CSMD1: variants seen among roughly 807,000 people sequenced by gnomAD.
CSMD1 encodes CUB and sushi domain-containing protein 1.
A neutral mutation model predicts 417.5 loss-of-function variants in CSMD1; 213 were observed. The ratio of observed to expected loss-of-function variants is 0.51; its 90% confidence interval spans 0.46 to 0.57. The LOEUF (loss-of-function observed/expected upper bound fraction) is 0.57. Among genes scored for constraint, CSMD1 ranks in the 20% least tolerant of loss-of-function variants. CSMD1 has a pLI of 0.00. For missense variants in CSMD1, 6,923 were observed against 4,529.7 expected (o/e 1.53, Z -15.17); for synonymous variants, 2,862 against 1,736.8 (o/e 1.65, Z -16.11).
At chr8:4,056,238 C>T (rs979139439) in intron 3 of CSMD1, among the ~76,000 whole-genome samples, 2 of 151,770 alleles carry the variant, frequency 1.3e-5, no homozygotes, top group East Asian at 3.9e-4. Flanking sequence ...TGTACTCCCA[C>T]TCCTGGCTAA....
intron 1 of CSMD1, among the ~76,000 whole-genome samples, chr8:4,713,963 G>C (rs774181090): frequency 1.3e-5 from 2 of 152,026 alleles, no homozygotes; most frequent in African/African-American, 2.4e-5. Flanking sequence ...TGGCCAACAT[G>C]GTAAAACCCC....
intron 2 of CSMD1, among the ~76,000 whole-genome samples, chr8:4,635,302 T>C (rs1802756329): frequency 6.6e-6 from 1 of 152,180 alleles, no homozygotes; most frequent in Admixed American, 6.5e-5. Context: ...AAATGAAATA[T>C]GTTTCTAATT....
chr8:4,793,105 C>A (rs1797782334), intron 1 of CSMD1, among the ~76,000 whole-genome samples: 1 of 151,728 alleles, frequency 6.6e-6, no homozygotes, highest in Non-Finnish European at 1.5e-5. Flanking sequence ...ACAATTTTTT[C>A]TTTTGTCTTA....
At chr8:4,148,995 C>G (rs1173685002) in intron 3 of CSMD1, among the ~76,000 whole-genome samples, 1 of 149,226 alleles carries the variant, frequency 6.7e-6, no homozygotes, top group African/African-American at 2.5e-5. Context: ...TGGAGTTTCA[C>G]TCTTGTTGCC....
At chr8:3,769,903 G>C (rs904973316) in intron 5 of CSMD1, among the ~76,000 whole-genome samples, 1 of 152,186 alleles carries the variant, frequency 6.6e-6, no homozygotes, top group East Asian at 1.9e-4. Context: ...CAGGACTTTT[G>C]AGAAATGCCT....
chr8:3,431,451 A>C (rs1456739031), intron 12 of CSMD1, among the ~76,000 whole-genome samples: 2 of 152,094 alleles, frequency 1.3e-5, no homozygotes, highest in African/African-American at 4.8e-5. Context: ...TGTCACTTTC[A>C]GTTTTAAAAG....
At chr8:3,750,601 T>A (rs1797289584) in intron 6 of CSMD1, among the ~76,000 whole-genome samples, 1 of 152,172 alleles carries the variant, frequency 6.6e-6, no homozygotes, top group South Asian at 2.1e-4. Flanking sequence ...AATTTGGGCT[T>A]CATGCTTTTT....
chr8:4,191,811 T>C (rs1436520281), intron 3 of CSMD1, among the ~76,000 whole-genome samples: 3 of 150,714 alleles, frequency 2.0e-5, no homozygotes, highest in Non-Finnish European at 4.4e-5. Flanking sequence ...CTTCATCTCC[T>C]ATCGAATGAT....
chr8:3,763,329 G>A (rs973560347), intron 5 of CSMD1, among the ~76,000 whole-genome samples: 11 of 152,182 alleles, frequency 7.2e-5, no homozygotes, highest in African/African-American at 2.4e-4. Context: ...GGCCCTGTGG[G>A]AGGTGTTGGT....
chr8:4,922,150 G>C (rs1045114561), intron 1 of CSMD1, among the ~76,000 whole-genome samples: 5 of 152,114 alleles, frequency 3.3e-5, no homozygotes, highest in African/African-American at 7.2e-5. Flanking sequence ...TCTCCCACCA[G>C]AGTAAATTCT....
At chr8:3,817,252 C>CTTTTTTTTTTTTTTTT (rs767668610) in intron 5 of CSMD1, among the ~76,000 whole-genome samples, 3 of 54,420 alleles carry the variant, frequency 5.5e-5, no homozygotes, top group East Asian at 7.0e-4. Context: ...TCTTCTTCTT[C>CTTTTTTTTTTTTTTTT]TTTTTTTTTT....
intron 1 of CSMD1, among the ~76,000 whole-genome samples, chr8:4,739,485 A>T (rs962471454): frequency 6.6e-6 from 1 of 152,228 alleles, no homozygotes; most frequent in African/African-American, 2.4e-5. Context: ...TTGTAATGAT[A>T]GATGAAGTAA....
At chr8:4,377,849 C>T (rs1351672464) in intron 3 of CSMD1, among the ~76,000 whole-genome samples, 1 of 152,140 alleles carries the variant, frequency 6.6e-6, no homozygotes, top group Admixed American at 6.5e-5. Flanking sequence ...AATTAGTATA[C>T]TTCTGTAACT....
intron 1 of CSMD1, among the ~76,000 whole-genome samples, chr8:4,709,475 G>C (rs775254291): frequency 1.3e-5 from 2 of 152,226 alleles, no homozygotes; most frequent in Non-Finnish European, 2.9e-5. Context: ...TAGGACGTAA[G>C]GAACAGGGGG....
chr8:3,695,677 G>T (rs1009987494), intron 7 of CSMD1, among the ~76,000 whole-genome samples: 12 of 152,262 alleles, frequency 7.9e-5, no homozygotes, highest in African/African-American at 1.9e-4. Flanking sequence ...TGATTAGAAA[G>T]ATTCTAGCAA....
intron 5 of CSMD1, among the ~76,000 whole-genome samples, chr8:3,829,358 T>C (rs1230900171): frequency 6.6e-6 from 1 of 152,202 alleles, no homozygotes; most frequent in Non-Finnish European, 1.5e-5. Context: ...TACTGAGAAC[T>C]CTGTCAAACT....
intron 1 of CSMD1, among the ~76,000 whole-genome samples, chr8:4,911,731 G>A (rs1805684765): frequency 2.0e-5 from 3 of 151,766 alleles, no homozygotes; most frequent in Non-Finnish European, 4.4e-5. Context: ...CTCTAGCAAG[G>A]GACTGGTAAA....
intron 2 of CSMD1, among the ~76,000 whole-genome samples, chr8:4,531,968 A>T (rs1330764426): frequency 3.4e-5 from 3 of 87,830 alleles, no homozygotes; most frequent in Non-Finnish European, 6.5e-5. Flanking sequence ...CTGCACCTCC[A>T]TTCAGTCACT....
intron 1 of CSMD1, among the ~76,000 whole-genome samples, chr8:4,962,974 G>C (rs969432592): frequency 6.6e-6 from 1 of 152,230 alleles, no homozygotes; most frequent in South Asian, 2.1e-4. Flanking sequence ...GAAAAGGATC[G>C]AAGAATCTAG....
Sources: allele counts gnomAD v4.1 joint callset (sites outside exome capture counted in the v4.1 genomes callset), GRCh38; gene constraint gnomAD v4.1.1; transcripts MANE v1.5; gene names NCBI Gene and HGNC (gene_info 2026-07-23, HGNC 2026-07-21).